The following TANC2 variants were observed in gnomAD, a reference collection of about 807,000 sequenced individuals.
TANC2 encodes the protein protein TANC2.
A neutral mutation model predicts 210.5 loss-of-function variants in TANC2; 26 were observed. That is an observed-to-expected ratio of 0.12 (90% confidence interval 0.09 to 0.17). The LOEUF (loss-of-function observed/expected upper bound fraction) is 0.17. TANC2 is among the 10% of genes least tolerant of loss of function. The probability of loss-of-function intolerance (pLI) is 1.00; values close to 1 mark genes in which losing one functional copy is unlikely to be tolerated. For missense variants in TANC2, 2,129 were observed against 2,608.9 expected, an observed-to-expected ratio of 0.82 and a Z score of 4.01; for synonymous variants, 931 against 967.1, an observed-to-expected ratio of 0.96 and a Z score of 0.69.
intron 1 of TANC2, among the ~76,000 whole-genome samples, chr17:62,970,923 T>A (rs1367992122): frequency 6.6e-6 from 1 of 152,212 alleles, no homozygotes; most frequent in Non-Finnish European, 1.5e-5. Context: ...ATAAAATAGT[T>A]TGGAAGCTAG....
chr17:63,128,454 A>G (rs1166514641), intron 4 of TANC2, among the ~76,000 whole-genome samples: 1 of 152,230 alleles, frequency 6.6e-6, no homozygotes, highest in Non-Finnish European at 1.5e-5. Context: ...TAGGTTGTCT[A>G]AGATTTGGTT....
chr17:62,972,206 G>A (rs1168761355), intron 1 of TANC2, among the ~76,000 whole-genome samples: 1 of 152,094 alleles, frequency 6.6e-6, no homozygotes, highest in Non-Finnish European at 1.5e-5. Flanking sequence ...TGAAAGCTGT[G>A]TTTGTGGATA....
Position 63,421,817 on chromosome 17 carries a change from C to T in TANC2, c.6087C>T (p.Pro2029=), listed in dbSNP as rs780123352. ...GAGTCAGCCAGGCCTCCTCCTATCC[C>T]GACGTGAAGGTAGCTCGGACTCTAC... The change falls in exon 28 of 28, where the codon CCC becomes CCT. Residue 2029 remains proline, a synonymous_variant. Transcript: ENST00000689528. The surrounding 1 kb of genome is among the most constrained non-coding windows in gnomAD (Gnocchi z 6.9). 8 of 1,614,028 alleles carry T rather than the reference C, an allele frequency of 5.0e-6. No individual in the cohort carries two copies. Among genetic ancestry groups the T allele is most frequent in the Middle Eastern group, 1.6e-4 (1 of 6,062 alleles).
At chr17:63,246,205 G>A (rs1432155306) in intron 8 of TANC2, among the ~76,000 whole-genome samples, 3 of 149,482 alleles carry the variant, frequency 2.0e-5, no homozygotes, top group South Asian at 2.1e-4. Context: ...ATTTTATTGA[G>A]TATATAAACC....
chr17:63,408,906 T>A (rs986299895), intron 21 of TANC2, among the ~76,000 whole-genome samples: 6 of 152,218 alleles, frequency 3.9e-5, no homozygotes, highest in Non-Finnish European at 7.3e-5. Context: ...GGTACTCTTC[T>A]AGCAAGTAAA....
At chr17:63,156,146 A>T (rs1257282343) in intron 5 of TANC2, among the ~76,000 whole-genome samples, 1 of 152,166 alleles carries the variant, frequency 6.6e-6, no homozygotes, top group Non-Finnish European at 1.5e-5. Context: ...GCATTGTCCT[A>T]TGAGTACCAA....
At chr17:63,329,713 A>G (rs1331448290) in intron 11 of TANC2, among the ~76,000 whole-genome samples, 1 of 152,198 alleles carries the variant, frequency 6.6e-6, no homozygotes, top group East Asian at 1.9e-4. Flanking sequence ...AGCAAATTTA[A>G]TAAATGTTTT....
chr17:63,083,245 C>T (rs2036843859), intron 3 of TANC2, among the ~76,000 whole-genome samples: 1 of 152,188 alleles, frequency 6.6e-6, no homozygotes, highest in African/African-American at 2.4e-5. Context: ...CTTCCTGTAG[C>T]TGTGTCTTCA....
chr17:63,186,860 A>G (rs1467665994), intron 5 of TANC2, among the ~76,000 whole-genome samples: 2 of 152,222 alleles, frequency 1.3e-5, no homozygotes, highest in African/African-American at 4.8e-5. Flanking sequence ...TGAGTGCTGT[A>G]TGATTTATTT....
intron 7 of TANC2, among the ~76,000 whole-genome samples, chr17:63,211,447 T>C (rs996359443): frequency 4.6e-5 from 7 of 152,066 alleles, no homozygotes; most frequent in Non-Finnish European, 7.4e-5. Context: ...ATGATCATTC[T>C]TACTATGATA....
intron 4 of TANC2, among the ~76,000 whole-genome samples, chr17:63,133,180 G>T (rs1202861454): frequency 6.6e-6 from 1 of 151,182 alleles, no homozygotes; most frequent in Non-Finnish European, 1.5e-5. Context: ...CACCATATTG[G>T]CCAGGCTGGT....
intron 1 of TANC2, among the ~76,000 whole-genome samples, chr17:62,985,904 G>A (rs1217983841): frequency 6.6e-6 from 1 of 152,034 alleles, no homozygotes; most frequent in Non-Finnish European, 1.5e-5. Flanking sequence ...TTTCTTTGGA[G>A]GCATCATATT....
At chr17:63,267,905 C>T (rs935606196) in intron 9 of TANC2, 32 bp downstream of exon 9, 5 of 1,572,866 alleles carry the variant, frequency 3.2e-6, no homozygotes, top group Non-Finnish European at 4.3e-6. Flanking sequence ...TAAGGGTGCC[C>T]GGGAACAGAT....
chr17:63,109,452 A>C (rs1487905288), intron 4 of TANC2, among the ~76,000 whole-genome samples: 3 of 151,676 alleles, frequency 2.0e-5, no homozygotes. Context: ...CTTGAATGAG[A>C]TGGAAGAAAA....
At chr17:63,336,455 T>C (rs1428688664) in intron 11 of TANC2, among the ~76,000 whole-genome samples, 2 of 152,216 alleles carry the variant, frequency 1.3e-5, no homozygotes, top group Non-Finnish European at 2.9e-5. Flanking sequence ...AGCGTGACAT[T>C]TTTGCTGCCA....
chr17:62,974,760 C>A (rs2031904754), intron 1 of TANC2, among the ~76,000 whole-genome samples: 1 of 152,090 alleles, frequency 6.6e-6, no homozygotes, highest in Admixed American at 6.6e-5. Context: ...GTTCAGTAAG[C>A]CAATGATGAT....
intron 4 of TANC2, among the ~76,000 whole-genome samples, chr17:63,111,127 C>A (rs540986254): frequency 3.3e-5 from 5 of 152,080 alleles, no homozygotes; most frequent in Admixed American, 2.6e-4. Context: ...GCCTGGGCAA[C>A]ATCTCAAAAT....
intron 5 of TANC2, among the ~76,000 whole-genome samples, chr17:63,172,891 G>T (rs1047803464): frequency 3.3e-5 from 5 of 152,164 alleles, no homozygotes; most frequent in Admixed American, 2.0e-4. Flanking sequence ...CTACCTTGGG[G>T]GTTAGGAGGG....
chr17:62,998,373 G>A (rs377429732), intron 1 of TANC2, among the ~76,000 whole-genome samples: 28 of 152,168 alleles, frequency 1.8e-4, no homozygotes, highest in Middle Eastern at 3.4e-3. Context: ...AAATTCCCCC[G>A]ACCTCACTAG....
Sources: gnomAD v4.1 joint callset for allele counts (sites outside exome capture counted in the v4.1 genomes callset) on GRCh38, gnomAD v4.1.1 for gene constraint, Gnocchi (gnomAD v3.1) non-coding constraint, MANE v1.5 for transcripts, NCBI Gene and HGNC (gene_info 2026-07-23, HGNC 2026-07-21) for gene names.